The following CASD1 variants were observed in gnomAD, a reference collection of about 807,000 sequenced individuals.
The protein encoded by CASD1 is CAS1 domain sialic acid O acetyltransferase 1, also known as N-acetylneuraminate (7)9-O-acetyltransferase.
A neutral mutation model predicts 100.0 loss-of-function variants in CASD1; 41 were observed. That is an observed-to-expected ratio of 0.41 (90% CI 0.32 to 0.53). CASD1 has a LOEUF of 0.53. Among genes scored for constraint, CASD1 ranks in the 20% least tolerant of loss-of-function variants. The pLI, the probability that CASD1 is intolerant of heterozygous loss-of-function variation, is 0.25. For synonymous variants in CASD1, 321 were observed against 315.6 expected (o/e 1.02, Z -0.18); for missense variants, 774 against 948.7 (o/e 0.82, Z 2.42).
the CASD1 span, among the ~76,000 whole-genome samples, chr7:94,582,902 CAT>C: frequency 6.6e-6 from 1 of 152,184 alleles, no homozygotes; most frequent in East Asian, 1.9e-4. Flanking sequence ...CTTATAGTAA[CAT>C]ATTAGGCATT....
At chr7:94,601,945 G>A in the CASD1 span, among the ~76,000 whole-genome samples, 1 of 151,984 alleles carries the variant, frequency 6.6e-6, no homozygotes, top group African/African-American at 2.4e-5. Flanking sequence ...GTGGCAAGAT[G>A]TGGCATAAAA....
At position 94,544,407 on chromosome 7, in the gene CASD1, A is replaced by G; in HGVS notation, c.1357-4A>G. On this transcript the variant is annotated splice_region_variant and splice_polypyrimidine_tract_variant and intron_variant, in intron 10 of 17. Coordinates refer to ENST00000297273, the MANE Select transcript of CASD1 (RefSeq NM_022900.5). ...ATGTTTTACCTGTTTATCTTTGTCA[A>G]CAGTTTTTGCCTGTATACATGCACA... 6.2e-7 allele frequency: 1 copy of G among 1,612,702 alleles called. No individual in the cohort carries two copies. Among genetic ancestry groups the G allele is most frequent in the Non-Finnish European group, 8.5e-7 (1 of 1,179,266 alleles).
the CASD1 span, among the ~76,000 whole-genome samples, chr7:94,608,960 C>A: frequency 5.9e-5 from 9 of 152,068 alleles, no homozygotes; most frequent in Non-Finnish European, 1.0e-4. Context: ...AACTATGAAA[C>A]TTCTAGAAGA....
chr7:94,558,405 G>A (rs1026838759), downstream of CASD1, among the ~76,000 whole-genome samples: 1 of 152,148 alleles, frequency 6.6e-6, no homozygotes, highest in African/African-American at 2.4e-5. Context: ...CAGGAGATTA[G>A]GTAGTATTGT....
chr7:94,581,487 C>G, the CASD1 span, among the ~76,000 whole-genome samples: 5 of 152,034 alleles, frequency 3.3e-5, 1 homozygote, highest in Admixed American at 3.3e-4. Flanking sequence ...GGTATTAAGC[C>G]CAGCACCTAC....
the CASD1 span, chr7:94,623,284 T>C: frequency 1.6e-6 from 2 of 1,252,174 alleles, no homozygotes; most frequent in Non-Finnish European, 2.3e-6. Context: ...AATGAAATAC[T>C]TCTTATAAAT....
At chr7:94,561,224 C>A (rs977036234), downstream of CASD1, among the ~76,000 whole-genome samples, 4 of 151,956 alleles carry the variant, frequency 2.6e-5, no homozygotes, top group African/African-American at 9.7e-5. Flanking sequence ...CCAGCCTGGG[C>A]AACAAGAGCG....
At chr7:94,595,273 T>C in the CASD1 span, among the ~76,000 whole-genome samples, 6 of 152,200 alleles carry the variant, frequency 3.9e-5, no homozygotes, top group African/African-American at 1.4e-4. Flanking sequence ...TCTATAACTT[T>C]GATGTAAATT....
At chr7:94,630,596 A>G in the CASD1 span, among the ~76,000 whole-genome samples, 1 of 151,968 alleles carries the variant, frequency 6.6e-6, no homozygotes, top group Non-Finnish European at 1.5e-5. Flanking sequence ...GACATATGAT[A>G]TGAGTACATT....
At chr7:94,624,818 T>A in the CASD1 span, 1 of 152,034 alleles carries the variant, frequency 6.6e-6, no homozygotes, top group Admixed American at 6.6e-5. Context: ...TGGGTAGCCT[T>A]CCCTTAATCA....
At chr7:94,552,606 A>G (rs918361765) in intron 16 of CASD1, among the ~76,000 whole-genome samples, 179 bp downstream of exon 16, 3 of 152,102 alleles carry the variant, frequency 2.0e-5, no homozygotes, top group African/African-American at 4.8e-5. Context: ...GGGTTCTTGT[A>G]TTTAATATAT....
chr7:94,549,518 G>C lies in CASD1; in HGVS notation c.1714-15G>C. On this transcript the variant is annotated splice_polypyrimidine_tract_variant and intron_variant, in intron 13 of 17. Transcript: ENST00000297273. ...TTGTACCATCTTAATTTATTTTCTG[G>C]ATTCCTTTTTTCAGGGTGCATTTGA... 1 of 1,563,864 alleles carries C rather than the reference G, an allele frequency of 6.4e-7. No individual in the cohort carries two copies. The highest frequency in any genetic ancestry group is 8.7e-7 in the Non-Finnish European group (1 of 1,143,614).
intron 3 of CASD1, among the ~76,000 whole-genome samples, chr7:94,526,395 A>G (rs1794567750): frequency 6.6e-6 from 1 of 152,222 alleles, no homozygotes; most frequent in Non-Finnish European, 1.5e-5. Flanking sequence ...GGCGTATGTC[A>G]CATATATCCA....
chr7:94,526,411 C>T (rs961776579), intron 3 of CASD1, among the ~76,000 whole-genome samples: 57 of 152,342 alleles, frequency 3.7e-4, no homozygotes, highest in African/African-American at 1.3e-3. Flanking sequence ...ATCCACGTCG[C>T]ATTAGCCAGA....
intron 7 of CASD1, among the ~76,000 whole-genome samples, chr7:94,534,054 T>C (rs1303238755): frequency 6.6e-6 from 1 of 151,704 alleles, no homozygotes; most frequent in East Asian, 1.9e-4. Context: ...GACAAAAAGA[T>C]AAGTCCTAAA....
At chr7:94,568,433 A>C in the CASD1 span, among the ~76,000 whole-genome samples, 1 of 152,202 alleles carries the variant, frequency 6.6e-6, no homozygotes, top group African/African-American at 2.4e-5. Context: ...TTATTCAAAA[A>C]CTATTCAAAA....
At chr7:94,528,336 T>C in intron 5 of CASD1, 86 bp downstream of exon 5, 1 of 919,106 alleles carries the variant, frequency 1.1e-6, no homozygotes, top group Non-Finnish European at 1.6e-6. Context: ...TACTCACTTG[T>C]CCCACTCTCC....
intron 1 of CASD1, among the ~76,000 whole-genome samples, chr7:94,515,515 G>C (rs1793934841): frequency 6.6e-6 from 1 of 151,674 alleles, no homozygotes. Context: ...TTGACTGGAG[G>C]CAAAAAAAGT....
At chr7:94,629,003 T>A in the CASD1 span, 1 of 152,562 alleles carries the variant, frequency 6.6e-6, no homozygotes, top group South Asian at 2.1e-4. Flanking sequence ...AGTTTTCAGG[T>A]ACAGTATTCA....
Sources: gnomAD v4.1 joint callset for allele counts (sites outside exome capture counted in the v4.1 genomes callset) on GRCh38, gnomAD v4.1.1 for gene constraint, MANE v1.5 for transcripts, NCBI Gene and HGNC (gene_info 2026-07-23, HGNC 2026-07-21) for gene names.